HCRTR2: variants seen among roughly 807,000 people sequenced by gnomAD.
The protein encoded by HCRTR2 is hypocretin receptor 2, also known as orexin receptor type 2.
Under a neutral mutation model 49.0 loss-of-function variants are expected in HCRTR2, and 22 were observed. The observed-to-expected ratio is 0.45, with a 90% CI of 0.32 to 0.64. The LOEUF (loss-of-function observed/expected upper bound fraction) is 0.64, where lower values mean the gene tolerates loss of function less well. Ranked by LOEUF, HCRTR2 falls within the 30% of genes least tolerant of loss-of-function variation. HCRTR2 has a pLI of 0.04. For synonymous variants in HCRTR2, 236 were observed against 205.3 expected, an observed-to-expected ratio of 1.15 and a Z score of -1.28; for missense variants, 491 against 559.4, an observed-to-expected ratio of 0.88 and a Z score of 1.23.
chr6:55,199,928 A>T (rs1225559608), intron 1 of HCRTR2, among the ~76,000 whole-genome samples: 2 of 152,218 alleles, frequency 1.3e-5, no homozygotes, highest in African/African-American at 4.8e-5. Flanking sequence ...ACCTGAATGA[A>T]TATATTAAAG....
At chr6:55,164,039 G>A (rs965618052) in intron 1 of HCRTR2, among the ~76,000 whole-genome samples, 3 of 152,162 alleles carry the variant, frequency 2.0e-5, no homozygotes, top group African/African-American at 4.8e-5. Context: ...ATCATCACTG[G>A]TCATTGGAGA....
chr6:55,205,584 A>G (rs2127287745), intron 1 of HCRTR2, among the ~76,000 whole-genome samples: 1 of 152,288 alleles, frequency 6.6e-6, no homozygotes, highest in Admixed American at 6.5e-5. Context: ...AACAGAGAAT[A>G]GACAGAGAGG....
At position 55,230,729 on chromosome 6, in the gene HCRTR2, A is replaced by G. The variant is rs1419436155; in HGVS notation, c.224-17910A>G. ...TGTAAGGCATATTTGCAAACTTGAA[A>G]CGTCGTCTTCCATAAATATATGCTG... On this transcript the variant is annotated intron_variant, in intron 1 of 6. Transcript: ENST00000370862. 4.6e-5 allele frequency among the ~76,000 whole-genome samples: 7 copies of G among 152,184 alleles called. No homozygotes were observed. The East Asian group carries it at 1.3e-3, about 29-fold the overall frequency.
At chr6:55,224,038 T>C (rs1765949697) in intron 1 of HCRTR2, among the ~76,000 whole-genome samples, 1 of 152,228 alleles carries the variant, frequency 6.6e-6, no homozygotes, top group African/African-American at 2.4e-5. Context: ...CAATGAGAGA[T>C]TTTATTAGAT....
intron 1 of HCRTR2, among the ~76,000 whole-genome samples, chr6:55,223,712 A>G (rs540234935): frequency 2.6e-5 from 4 of 152,240 alleles, no homozygotes; most frequent in African/African-American, 9.6e-5. Flanking sequence ...CTCCAAATTT[A>G]GGTTAAACTG....
intron 4 of HCRTR2, among the ~76,000 whole-genome samples, chr6:55,269,618 C>A (rs1288027109): frequency 6.6e-6 from 1 of 151,904 alleles, no homozygotes; most frequent in Non-Finnish European, 1.5e-5. Flanking sequence ...TAAATAGCAT[C>A]AAAATTAATC....
chr6:55,204,436 C>A (rs1388899416), intron 1 of HCRTR2, among the ~76,000 whole-genome samples: 17 of 152,082 alleles, frequency 1.1e-4, no homozygotes, highest in Admixed American at 1.1e-3. Flanking sequence ...AATAAATTAC[C>A]TTTACTTGAA....
At chr6:55,277,708 TTAGA>T in intron 5 of HCRTR2, 108 bp downstream of exon 5, 2 of 838,598 alleles carry the variant, frequency 2.4e-6, no homozygotes. Context: ...AACTTTCTGC[TTAGA>T]TACCTTGTCA....
chr6:55,217,352 T>A (rs1765806523), intron 1 of HCRTR2, among the ~76,000 whole-genome samples: 2 of 152,216 alleles, frequency 1.3e-5, no homozygotes, highest in African/African-American at 4.8e-5. Context: ...ACTTTTCAAA[T>A]CATTTTGCTG....
At chr6:55,245,467 TTTTA>T (rs1240071117) in intron 1 of HCRTR2, among the ~76,000 whole-genome samples, 1,763 of 101,350 alleles carry the variant, frequency 0.017, 42 homozygotes, top group Middle Eastern at 0.04. Context: ...CATAGGAAGA[TTTTA>T]TATATATATA....
At chr6:55,247,417 A>C (rs1766467186) in intron 1 of HCRTR2, among the ~76,000 whole-genome samples, 1 of 152,154 alleles carries the variant, frequency 6.6e-6, no homozygotes, top group South Asian at 2.1e-4. Flanking sequence ...ACTATTAATA[A>C]ATGTTACATA....
chr6:55,121,093 C>T (rs1466107581), intron 1 of HCRTR2, among the ~76,000 whole-genome samples: 1 of 152,076 alleles, frequency 6.6e-6, no homozygotes, highest in Non-Finnish European at 1.5e-5. Context: ...GATATTGATT[C>T]TTCCTATCCA....
At chr6:55,278,197 T>A (rs1581874590) in intron 5 of HCRTR2, among the ~76,000 whole-genome samples, 1 of 152,188 alleles carries the variant, frequency 6.6e-6, no homozygotes, top group African/African-American at 2.4e-5. Flanking sequence ...AGTATGCTAT[T>A]TGCTACAATG....
intron 1 of HCRTR2, among the ~76,000 whole-genome samples, chr6:55,138,520 G>C (rs12194068): frequency 0.22 from 34,069 of 152,160 alleles, 4,735 homozygotes; most frequent in Middle Eastern, 0.32. Flanking sequence ...TGCCACGGTA[G>C]TCGTATTTTA....
chr6:55,112,634 A>G (rs1764064482), intron 1 of HCRTR2, among the ~76,000 whole-genome samples: 1 of 151,946 alleles, frequency 6.6e-6, no homozygotes, highest in African/African-American at 2.4e-5. Context: ...CACTGCTGAA[A>G]GAAATCATAG....
At chr6:55,176,105 C>A (rs1765035484) in intron 1 of HCRTR2, among the ~76,000 whole-genome samples, 1 of 152,122 alleles carries the variant, frequency 6.6e-6, no homozygotes, top group Non-Finnish European at 1.5e-5. Context: ...CCTTCTCTCC[C>A]AAGTGTGTTG....
At chr6:55,280,158 C>T (rs2292040) in intron 5 of HCRTR2, among the ~76,000 whole-genome samples, 165 bp from the exon 6 acceptor site, 5,581 of 152,184 alleles carry the variant, frequency 0.037, 661 homozygotes, top group East Asian at 0.3. Context: ...AGGTTCTGTT[C>T]AGGCACTGAA....
At chr6:55,230,672 G>T (rs1405124680) in intron 1 of HCRTR2, among the ~76,000 whole-genome samples, 1 of 152,044 alleles carries the variant, frequency 6.6e-6, no homozygotes, top group African/African-American at 2.4e-5. Context: ...TTTGTATTTT[G>T]TACGAAATGG....
At chr6:55,266,831 C>T (rs1453193407) in intron 4 of HCRTR2, among the ~76,000 whole-genome samples, 1 of 152,112 alleles carries the variant, frequency 6.6e-6, no homozygotes, top group Non-Finnish European at 1.5e-5. Flanking sequence ...AAAATCCAAA[C>T]ATTTTAATTT....
Sources: gnomAD v4.1 joint callset for allele counts (sites outside exome capture counted in the v4.1 genomes callset) on GRCh38, gnomAD v4.1.1 for gene constraint, MANE v1.5 for transcripts, NCBI Gene and HGNC (gene_info 2026-07-23, HGNC 2026-07-21) for gene names.